ESRRG: variants seen among roughly 807,000 people sequenced by gnomAD.
ESRRG encodes the protein estrogen-related receptor gamma.
Under a neutral mutation model 44.0 loss-of-function variants are expected in ESRRG, and 13 were observed. The ratio of observed to expected loss-of-function variants is 0.30; its 90% CI spans 0.19 to 0.47. The LOEUF (loss-of-function observed/expected upper bound fraction) is 0.47. ESRRG is among the 20% of genes least tolerant of loss of function. ESRRG has a pLI of 1.00. For missense variants in ESRRG, 395 were observed against 580.6 expected, an observed-to-expected ratio of 0.68 and a Z score of 3.29; for synonymous variants, 215 against 214.6, an observed-to-expected ratio of 1.00 and a Z score of -0.02.
intron 1 of ESRRG, among the ~76,000 whole-genome samples, chr1:216,693,439 C>A (rs2079480382): frequency 6.6e-6 from 1 of 152,146 alleles, no homozygotes; most frequent in Admixed American, 6.5e-5. Context: ...GTTTTAACAT[C>A]CTTTTTAATG....
At chr1:216,885,343 G>T (rs1007248990) in intron 2 of ESRRG, among the ~76,000 whole-genome samples, 83 of 152,244 alleles carry the variant, frequency 5.5e-4, no homozygotes, top group African/African-American at 1.9e-3. Context: ...ATATGGATAT[G>T]CCTGTGTACA....
intron 1 of ESRRG, among the ~76,000 whole-genome samples, chr1:217,105,424 AG>A (rs1358023242): frequency 1.3e-5 from 2 of 152,280 alleles, no homozygotes; most frequent in Admixed American, 1.3e-4. Context: ...ATACTTGCTC[AG>A]GGGCATGTGT....
Position 216,937,919 on chromosome 1 carries a change from T to TA in ESRRG, c.-14+1662_-14+1663insT, listed in dbSNP as rs543311607. 2.8e-3 allele frequency among the ~76,000 whole-genome samples: 224 copies of TA among 79,202 alleles called. 1 individual carries two copies. Among genetic ancestry groups the TA allele is most frequent in the African/African-American group, 0.014 (142 of 10,186 alleles). The allele number at this position is 79,202 out of a possible 152,430, so 52.0% of individuals were successfully genotyped here. On this transcript the variant is annotated intron_variant, in intron 2 of 7. Transcript: ENST00000359162. Reference sequence around the variant, plus strand: ...AACTGAAATTGGCCTGCTTTATTATTTTTTTTTTTCTTTACGTACTCTGGA... The same window carrying TA: ...AACTGAAATTGGCCTGCTTTATTATTATTTTTTTTTCTTTACGTACTCTGGA...
intron 1 of ESRRG, among the ~76,000 whole-genome samples, chr1:217,068,585 G>A (rs573018863): frequency 7.9e-5 from 12 of 152,232 alleles, no homozygotes; most frequent in African/African-American, 2.6e-4. Context: ...TCACTCAGCT[G>A]TAAAAGACAG....
intron 2 of ESRRG, among the ~76,000 whole-genome samples, chr1:216,923,838 T>C (rs1381519295): frequency 6.6e-6 from 1 of 152,086 alleles, no homozygotes; most frequent in Non-Finnish European, 1.5e-5. Context: ...GGGTTCAGTG[T>C]CAGAAATGGG....
At chr1:216,939,052 T>C (rs966565695) in intron 2 of ESRRG, among the ~76,000 whole-genome samples, 2 of 152,068 alleles carry the variant, frequency 1.3e-5, no homozygotes, top group African/African-American at 2.4e-5. Flanking sequence ...GGGTATTCAA[T>C]TGGAATCTAA....
At chr1:216,557,050 A>C (rs909612133) in intron 5 of ESRRG, among the ~76,000 whole-genome samples, 1 of 152,186 alleles carries the variant, frequency 6.6e-6, no homozygotes, top group Non-Finnish European at 1.5e-5. Context: ...TGATCTGAAG[A>C]GAGTCAGAGA....
Position 216,655,679 on chromosome 1 carries a change from G to A in ESRRG, c.473-4590C>T, listed in dbSNP as rs988011152. On this transcript the variant is annotated intron_variant, in intron 2 of 6. Transcript: ENST00000408911. Reference sequence around the variant, plus strand: ...TCAATAAAGTTGCCTTGACACATACGGATAATAACCTTGATTTCACTAAGT... The same window carrying A: ...TCAATAAAGTTGCCTTGACACATACAGATAATAACCTTGATTTCACTAAGT... 2.6e-5 allele frequency among the ~76,000 whole-genome samples: 4 copies of A among 152,002 alleles called. 1 individual carries two copies. The South Asian group carries it at 6.2e-4, about 24-fold the overall frequency.
intron 5 of ESRRG, among the ~76,000 whole-genome samples, chr1:216,548,872 G>C (rs568036211): frequency 6.6e-6 from 1 of 152,176 alleles, no homozygotes; most frequent in South Asian, 2.1e-4. Context: ...AAATAATTAA[G>C]TAAATAATGC....
intron 6 of ESRRG, among the ~76,000 whole-genome samples, chr1:216,509,048 A>G (rs2041979632): frequency 6.6e-6 from 1 of 152,172 alleles, no homozygotes; most frequent in African/African-American, 2.4e-5. Flanking sequence ...AAAATAATAC[A>G]TTTACCATTT....
chr1:216,660,991 G>A (rs1268923167), intron 2 of ESRRG, among the ~76,000 whole-genome samples: 1 of 152,134 alleles, frequency 6.6e-6, no homozygotes, highest in Non-Finnish European at 1.5e-5. Flanking sequence ...CCATAATCAT[G>A]AGGGTGTGTT....
At chr1:216,812,486 C>CA (rs986146026) in intron 2 of ESRRG, among the ~76,000 whole-genome samples, 31 of 149,278 alleles carry the variant, frequency 2.1e-4, no homozygotes, top group African/African-American at 5.2e-4. Context: ...ATGAACATGG[C>CA]AAAAAAAAAG....
chr1:216,904,868 G>A lies in ESRRG; in HGVS notation c.-14+34714C>T, dbSNP rs185547244. ...CTGAACAGTGATAAGAAGAATGCAC[G>A]AAACAGAAAGTTACCCTCTTCTGAA... On this transcript the variant is annotated intron_variant, in intron 2 of 7. Coordinates refer to the ESRRG transcript ENST00000359162. Among the ~76,000 whole-genome samples the A allele has an allele frequency of 2.4e-3, 371 of 152,234 alleles. 2 individuals are homozygous for A. The highest frequency in any genetic ancestry group is 7.6e-3 in the African/African-American group (317 of 41,532).
intron 2 of ESRRG, among the ~76,000 whole-genome samples, chr1:216,764,346 T>C (rs1189011811): frequency 3.9e-5 from 6 of 151,974 alleles, no homozygotes; most frequent in Non-Finnish European, 7.4e-5. Flanking sequence ...CTCAGCTCAC[T>C]GCAACCTCTG....
intron 1 of ESRRG, among the ~76,000 whole-genome samples, chr1:217,015,581 T>C (rs1249575017): frequency 1.3e-5 from 2 of 152,068 alleles, no homozygotes; most frequent in African/African-American, 4.8e-5. Context: ...TAACTAAAAT[T>C]GTGTACTCAA....
At chr1:217,025,991 G>A (rs187180994) in intron 1 of ESRRG, among the ~76,000 whole-genome samples, 17 of 152,246 alleles carry the variant, frequency 1.1e-4, no homozygotes, top group Non-Finnish European at 2.1e-4. Context: ...GAAAATTCTT[G>A]TAAAATGATA....
At chr1:216,744,736 C>T (rs2091193111) in intron 2 of ESRRG, among the ~76,000 whole-genome samples, 1 of 152,188 alleles carries the variant, frequency 6.6e-6, no homozygotes, top group African/African-American at 2.4e-5. Flanking sequence ...TGTGTCCCAT[C>T]TTCCATCTGT....
At position 216,768,438 on chromosome 1, in the gene ESRRG, A is replaced by T. The variant is rs558620448; in HGVS notation, c.-13-90947T>A. On this transcript the variant is annotated intron_variant, in intron 2 of 7. Transcript: ENST00000359162. ...CTGTGAGGTAAATAGATATAGATAG[A>T]TCTATCTATCATTATCTATCTATCT... Among the ~76,000 whole-genome samples, 11 of 149,944 alleles carry T rather than the reference A, an allele frequency of 7.3e-5. No individual in the cohort carries two copies. The East Asian group carries it at 2.2e-3, about 29-fold the overall frequency.
At chr1:217,047,423 T>C (rs1580052462) in intron 1 of ESRRG, among the ~76,000 whole-genome samples, 1 of 152,144 alleles carries the variant, frequency 6.6e-6, no homozygotes, top group East Asian at 1.9e-4. Context: ...GACTCTCACA[T>C]TCAGTCAATT....
Sources: gnomAD v4.1 joint callset for allele counts (sites outside exome capture counted in the v4.1 genomes callset) on GRCh38, gnomAD v4.1.1 for gene constraint, MANE v1.5 for transcripts, NCBI Gene and HGNC (gene_info 2026-07-23, HGNC 2026-07-21) for gene names.